The following PDILT variants were observed in gnomAD, a reference collection of about 807,000 sequenced individuals.
PDILT encodes the protein protein disulfide-isomerase-like protein of the testis.
In PDILT, 43 loss-of-function variants were observed where a neutral mutation model predicts 53.7. The observed-to-expected ratio is 0.80, with a 90% confidence interval of 0.63 to 1.03. The LOEUF (loss-of-function observed/expected upper bound fraction) is 1.03. Ranked by LOEUF, PDILT falls within the 50% of genes least tolerant of loss-of-function variation. The pLI is 0.00. For missense variants in PDILT, 727 were observed against 712.3 expected (o/e 1.02, Z -0.24); for synonymous variants, 282 against 274.2 (o/e 1.03, Z -0.28).
chr16:20,368,541 G>A (rs1328112721), intron 8 of PDILT, among the ~76,000 whole-genome samples: 1 of 152,120 alleles, frequency 6.6e-6, no homozygotes, highest in Non-Finnish European at 1.5e-5. Flanking sequence ...CTCAGGTAAG[G>A]GGACCATCAT....
At chr16:20,396,577 A>T (rs569359192) in intron 2 of PDILT, among the ~76,000 whole-genome samples, 2 of 152,204 alleles carry the variant, frequency 1.3e-5, no homozygotes, top group Admixed American at 6.5e-5. Flanking sequence ...TCCCTCGTGC[A>T]CTCAAAGACA....
rs568939987 is a variant in PDILT, at chr16:20,398,366, A to G, written c.202+733T>C. Reference sequence around the variant, plus strand: ...GCTGGGCACAGTGGTTCACGCCTGTAATCCCAGCAGTTTAGGAGGCTGAGG... The same window carrying G: ...GCTGGGCACAGTGGTTCACGCCTGTGATCCCAGCAGTTTAGGAGGCTGAGG... On this transcript the variant is annotated intron_variant, in intron 2 of 11. Coordinates refer to ENST00000302451, the MANE Select transcript of PDILT (RefSeq NM_174924.2). 9.8e-5 allele frequency among the ~76,000 whole-genome samples: 15 copies of G among 152,300 alleles called. No individual in the cohort carries two copies. In the South Asian group the frequency reaches 2.9e-3, roughly 30 times the overall value.
At chr16:20,363,071 C>CAAAAAAAAAAAAAAAAAAAA (rs1187383410) in intron 9 of PDILT, among the ~76,000 whole-genome samples, 1 of 93,574 alleles carries the variant, frequency 1.1e-5, no homozygotes, top group Non-Finnish European at 2.0e-5. Flanking sequence ...GACTCCATCT[C>CAAAAAAAAAAAAAAAAAAAA]AAAAAAAAAA....
chr16:20,371,948 C>A (rs1380552521), intron 7 of PDILT, among the ~76,000 whole-genome samples: 1 of 151,724 alleles, frequency 6.6e-6, no homozygotes, highest in Non-Finnish European at 1.5e-5. Flanking sequence ...GTGTTATATT[C>A]TAGTGGCTTT....
At chr16:20,366,738 C>T (rs994241590) in intron 8 of PDILT, among the ~76,000 whole-genome samples, 17 of 152,170 alleles carry the variant, frequency 1.1e-4, no homozygotes, top group Admixed American at 3.9e-4. Context: ...TCTCCTGAAT[C>T]CACATCATTT....
intron 2 of PDILT, among the ~76,000 whole-genome samples, chr16:20,388,139 G>A (rs1196555846): frequency 1.3e-5 from 2 of 152,094 alleles, no homozygotes; most frequent in Non-Finnish European, 2.9e-5. Flanking sequence ...GGATTATGTA[G>A]GATCTTCTAT....
At chr16:20,386,441 G>A (rs575960394) in intron 2 of PDILT, among the ~76,000 whole-genome samples, 2 of 152,310 alleles carry the variant, frequency 1.3e-5, no homozygotes, top group Admixed American at 1.3e-4. Flanking sequence ...AGCACTTGGA[G>A]AAAGTGCAAA....
chr16:20,369,758 GTGGACTAAGGGGA>G, intron 7 of PDILT, 69 bp from the exon 8 acceptor site: 32 of 1,485,280 alleles, frequency 2.2e-5, no homozygotes, highest in Non-Finnish European at 3.0e-5. Flanking sequence ...CTGAAAGGCT[GTGGACTAAGGGGA>G]TGCACATGGT....
chr16:20,374,886 A>G lies in PDILT; in HGVS notation c.617T>C (p.Ile206Thr), dbSNP rs763970638. 6.2e-7 allele frequency: 1 copy of G among 1,614,010 alleles called. No individual in the cohort carries two copies. Among genetic ancestry groups the G allele is most frequent in the Non-Finnish European group, 8.5e-7 (1 of 1,180,004 alleles). The change falls in exon 5 of 12, where the codon ATA becomes ACA. Residue 206 changes from isoleucine to threonine, a missense_variant. Coordinates refer to ENST00000302451, the MANE Select transcript of PDILT (RefSeq NM_174924.2). The stretch of plus-strand genomic sequence containing the variant: ...ACGCCCAATGACATTGCCAATCGTT[A>G]TGACTCCAAACGTTAGCTCTGGAAA... ...KDFPELTFGV[I>T]TIGNVIGRFH...
intron 3 of PDILT, among the ~76,000 whole-genome samples, chr16:20,379,124 C>T (rs1297613489): frequency 1.3e-5 from 2 of 152,160 alleles, no homozygotes; most frequent in Non-Finnish European, 2.9e-5. Context: ...AGCCATCCTC[C>T]CACCTCAGCC....
At chr16:20,359,594 A>T (rs768140782) in intron 11 of PDILT, 27 bp from the exon 12 acceptor site, 1 of 1,589,170 alleles carries the variant, frequency 6.3e-7, no homozygotes, top group Non-Finnish European at 8.6e-7. Context: ...GGAAGGAAGA[A>T]GGGAGGGAGG....
intron 8 of PDILT, 115 bp from the exon 9 acceptor site, chr16:20,365,655 C>T (rs1966180611): frequency 1.5e-6 from 2 of 1,326,778 alleles, no homozygotes; most frequent in East Asian, 2.3e-5. Context: ...TCACAAGAGC[C>T]TTAGGAAAGG....
chr16:20,387,391 G>GA (rs1159358363), intron 2 of PDILT, among the ~76,000 whole-genome samples: 2 of 152,190 alleles, frequency 1.3e-5, no homozygotes, highest in Non-Finnish European at 2.9e-5. Context: ...AGAATTCCTG[G>GA]TAAAGGGCCA....
At chr16:20,383,205 A>T (rs1246336904) in intron 3 of PDILT, among the ~76,000 whole-genome samples, 1 of 152,104 alleles carries the variant, frequency 6.6e-6, no homozygotes, top group Non-Finnish European at 1.5e-5. Flanking sequence ...TGTCGCCTCT[A>T]AGTGGAGTCA....
chr16:20,402,773 T>C (rs1216714913), intron 1 of PDILT, among the ~76,000 whole-genome samples: 2 of 152,230 alleles, frequency 1.3e-5, no homozygotes, highest in Non-Finnish European at 2.9e-5. Flanking sequence ...CTGGCTCAGC[T>C]CTGCAGCATC....
At chr16:20,382,926 G>A (rs1966481039) in intron 3 of PDILT, among the ~76,000 whole-genome samples, 1 of 152,212 alleles carries the variant, frequency 6.6e-6, no homozygotes, top group South Asian at 2.1e-4. Context: ...TCTCTGTAGA[G>A]AACAAGCAAT....
chr16:20,387,143 G>C (rs1966550474), intron 2 of PDILT, among the ~76,000 whole-genome samples: 1 of 152,106 alleles, frequency 6.6e-6, no homozygotes, highest in African/African-American at 2.4e-5. Flanking sequence ...TAGGGATTGG[G>C]GATATAACAG....
Position 20,359,222 on chromosome 16 carries a change from C to G in PDILT, c.*97G>C. 1 of 1,541,798 alleles carries G rather than the reference C, an allele frequency of 6.5e-7. No individual in the cohort carries two copies. Among genetic ancestry groups the G allele is most frequent in the Non-Finnish European group, 8.7e-7 (1 of 1,148,274 alleles). Reference sequence around the variant, plus strand: ...CACCCCTACCCCCGCCCCACCTACCCTACCACAATGATATATGCTTTTATT... The same window carrying G: ...CACCCCTACCCCCGCCCCACCTACCGTACCACAATGATATATGCTTTTATT... On this transcript the variant is annotated 3_prime_UTR_variant, in exon 12 of 12. Coordinates refer to ENST00000302451, the MANE Select transcript of PDILT (RefSeq NM_174924.2).
chr16:20,381,034 T>C (rs1177238093), intron 3 of PDILT, among the ~76,000 whole-genome samples: 2 of 152,236 alleles, frequency 1.3e-5, no homozygotes, highest in African/African-American at 4.8e-5. Flanking sequence ...AATGATTGAC[T>C]AGGACCAGCA....
Sources: gnomAD v4.1 joint callset for allele counts (sites outside exome capture counted in the v4.1 genomes callset) on GRCh38, gnomAD v4.1.1 for gene constraint, MANE v1.5 for transcripts, NCBI Gene and HGNC (gene_info 2026-07-23, HGNC 2026-07-21) for gene names.